GLP1R: variants seen among roughly 807,000 people sequenced by gnomAD.
GLP1R encodes the protein glucagon like peptide 1 receptor.
Under a neutral mutation model 68.4 loss-of-function variants are expected in GLP1R, and 32 were observed. The ratio of observed to expected loss-of-function variants is 0.47; its 90% CI spans 0.35 to 0.63. The LOEUF (loss-of-function observed/expected upper bound fraction) is 0.63. Ranked by LOEUF, GLP1R falls within the 20% of genes least tolerant of loss-of-function variation. GLP1R has a pLI of 0.00. For missense variants in GLP1R, 502 were observed against 594.9 expected (o/e 0.84, Z 1.62); for synonymous variants, 263 against 244.4 (o/e 1.08, Z -0.71).
At chr6:39,070,573 G>A (rs1172377904) in intron 5 of GLP1R, among the ~76,000 whole-genome samples, 1 of 152,188 alleles carries the variant, frequency 6.6e-6, no homozygotes, top group Admixed American at 6.5e-5. Flanking sequence ...CCTCTCATCA[G>A]TAATAAAAGA....
At chr6:39,074,078 G>A (rs1175244650) in intron 7 of GLP1R, among the ~76,000 whole-genome samples, 4 of 152,152 alleles carry the variant, frequency 2.6e-5, no homozygotes, top group Admixed American at 1.3e-4. Flanking sequence ...ACCACATGGG[G>A]ACATAAGTTC....
At chr6:39,062,540 C>T (rs1029118873) in intron 3 of GLP1R, among the ~76,000 whole-genome samples, 6 of 152,216 alleles carry the variant, frequency 3.9e-5, no homozygotes, top group African/African-American at 1.2e-4. Flanking sequence ...ACACCACCTC[C>T]CCACCCTCCC....
chr6:39,066,378 A>G (rs1435492766), intron 5 of GLP1R, 75 bp downstream of exon 5: 3 of 777,108 alleles, frequency 3.9e-6, no homozygotes, highest in South Asian at 1.5e-5. Flanking sequence ...GCAGCCCAAC[A>G]CCAAATCAAA....
chr6:39,055,727 T>TA (rs1554168682), intron 1 of GLP1R, among the ~76,000 whole-genome samples: 1 of 113,230 alleles, frequency 8.8e-6, no homozygotes, highest in African/African-American at 3.3e-5. Flanking sequence ...GGGGAGGGGG[T>TA]GGGGGGTGCT....
In GLP1R at chr6:39,088,516, G is replaced by T. The variant is rs1273036537; in HGVS notation, c.*2443G>T. On this transcript the variant is annotated 3_prime_UTR_variant, in exon 13 of 13. Transcript: ENST00000373256. ...GGGTACTATTGCTGACCAGCAGGGT[G>T]TAGGCGCTGCTTTTGTTTGAGCTTT... Among the ~76,000 whole-genome samples, 1 of 152,230 alleles carries T rather than the reference G, an allele frequency of 6.6e-6. No individual in the cohort carries two copies. Among genetic ancestry groups the T allele is most frequent in the African/African-American group, 2.4e-5 (1 of 41,450 alleles).
rs1252829911 is a variant in GLP1R, at chr6:39,089,813, C to T, written c.*3740C>T. ...GGCTCCCATTATTTGCTAATGCCTG[C>T]GACGTGCTCAGGGAAGGCAAAATCT... On this transcript the variant is annotated 3_prime_UTR_variant, in exon 13 of 13. Transcript: ENST00000373256. The surrounding 1 kb of genome is among the most constrained non-coding windows in gnomAD (Gnocchi z 4.1). 2.0e-5 allele frequency among the ~76,000 whole-genome samples: 3 copies of T among 152,144 alleles called. No homozygotes were observed. The highest frequency in any genetic ancestry group is 2.9e-5 in the Non-Finnish European group (2 of 68,030).
chr6:39,074,803 G>C (rs923809835), intron 7 of GLP1R, among the ~76,000 whole-genome samples: 1 of 152,184 alleles, frequency 6.6e-6, no homozygotes, highest in African/African-American at 2.4e-5. Context: ...CAGGGTGTCC[G>C]CTGCCTCTTC....
chr6:39,054,522 A>G (rs1296553369), intron 1 of GLP1R, among the ~76,000 whole-genome samples: 1 of 149,522 alleles, frequency 6.7e-6, no homozygotes, highest in African/African-American at 2.6e-5. Context: ...CCCAGTCTGA[A>G]TATAGTTTTA....
intron 5 of GLP1R, among the ~76,000 whole-genome samples, chr6:39,071,367 A>T (rs1354837886): frequency 7.2e-6 from 1 of 138,716 alleles, no homozygotes; most frequent in Non-Finnish European, 1.6e-5. Context: ...AAAAAAAAAA[A>T]GAAAGAAAGA....
At chr6:39,085,585 T>C (rs1470684017) in intron 12 of GLP1R, among the ~76,000 whole-genome samples, 5 of 152,176 alleles carry the variant, frequency 3.3e-5, no homozygotes, top group Non-Finnish European at 7.3e-5. Context: ...TCTCCCTGTG[T>C]TTCACCCTCC....
At chr6:39,048,945 C>A (rs201005322) in intron 1 of GLP1R, 27 bp downstream of exon 1, 57 of 974,284 alleles carry the variant, frequency 5.9e-5, no homozygotes, top group Admixed American at 1.1e-4. Flanking sequence ...CCGACGACAC[C>A]GGGGGAGGCG....
At chr6:39,072,660 G>C (rs566598853) in intron 5 of GLP1R, among the ~76,000 whole-genome samples, 186 of 152,334 alleles carry the variant, frequency 1.2e-3, no homozygotes, top group African/African-American at 4.3e-3. Context: ...CTACATAGCG[G>C]AAGCCTTCAT....
chr6:39,076,092 C>T (rs900010698), intron 7 of GLP1R, among the ~76,000 whole-genome samples: 1 of 152,178 alleles, frequency 6.6e-6, no homozygotes, highest in African/African-American at 2.4e-5. Context: ...TGAAACTTGC[C>T]AGGTCTGGCT....
chr6:39,084,499 C>T (rs892493842), intron 12 of GLP1R, among the ~76,000 whole-genome samples: 2 of 152,140 alleles, frequency 1.3e-5, no homozygotes, highest in Admixed American at 6.5e-5. Flanking sequence ...CCCTCTCCAG[C>T]GGAAGGGCTA....
In GLP1R at chr6:39,049,861, G is replaced by T. The variant is rs1323290713; in HGVS notation, c.78+943G>T. ...TGCTGGGACTTGCTTGAGCAGAGAG[G>T]AGACATAGACTTGGGTGGCCTGTCC... On this transcript the variant is annotated intron_variant, in intron 1 of 12. Coordinates refer to ENST00000373256, the MANE Select transcript of GLP1R (RefSeq NM_002062.5). This position sits in a 1 kb window ranked among gnomAD's most constrained non-coding sequence, Gnocchi z 4.5. Among the ~76,000 whole-genome samples the T allele has an allele frequency of 6.6e-6, 1 of 152,164 alleles. No individual in the cohort carries two copies. Among genetic ancestry groups the T allele is most frequent in the Middle Eastern group, 3.2e-3 (1 of 316 alleles).
rs1768925600 is a variant in GLP1R at position 39,079,298 on chromosome 6, G to T, written c.1043+98G>T. 1.0e-6 allele frequency: 1 copy of T among 966,270 alleles called. No homozygotes were observed. The allele number at this position is 966,270 out of a possible 1,614,324, so 59.9% of individuals were successfully genotyped here. On this transcript the variant is annotated intron_variant, in intron 10 of 12. Coordinates refer to ENST00000373256, the MANE Select transcript of GLP1R (RefSeq NM_002062.5). The surrounding 1 kb of genome is among the most constrained non-coding windows in gnomAD (Gnocchi z 4.5). ...GAGATCCTGGGATGCTTAGCTTAGA[G>T]CCCTACACTACCCTCTCCTTCCACC...
At chr6:39,055,403 A>G (rs191594034) in intron 1 of GLP1R, among the ~76,000 whole-genome samples, 10 of 152,354 alleles carry the variant, frequency 6.6e-5, no homozygotes, top group Admixed American at 6.5e-4. Flanking sequence ...CTGTTCAGGA[A>G]AAAACTAAAA....
In GLP1R at chr6:39,090,637, T is replaced by C. The variant is rs73734039; in HGVS notation, c.*4564T>C. Among the ~76,000 whole-genome samples, 3,945 of 152,296 alleles carry C rather than the reference T, an allele frequency of 0.026. 186 individuals carry two copies. The highest frequency in any genetic ancestry group is 0.087 in the African/African-American group (3,619 of 41,558). Reference sequence around the variant, plus strand: ...GCAGGGCAGCCACCAGCTTGGATCCTAACTTACATTGGGTGGTGCAACCTT... The same window carrying C: ...GCAGGGCAGCCACCAGCTTGGATCCCAACTTACATTGGGTGGTGCAACCTT... On this transcript the variant is annotated 3_prime_UTR_variant, in exon 13 of 13. Coordinates refer to ENST00000373256, the MANE Select transcript of GLP1R (RefSeq NM_002062.5).
chr6:39,062,662 G>A (rs916361332), intron 3 of GLP1R, among the ~76,000 whole-genome samples: 1 of 152,220 alleles, frequency 6.6e-6, no homozygotes, highest in African/African-American at 2.4e-5. Flanking sequence ...CCAGAGGAAG[G>A]GCAGAGGAGA....
Sources: gnomAD v4.1 joint callset for allele counts (sites outside exome capture counted in the v4.1 genomes callset) on GRCh38, gnomAD v4.1.1 for gene constraint, Gnocchi (gnomAD v3.1) non-coding constraint, MANE v1.5 for transcripts, NCBI Gene and HGNC (gene_info 2026-07-23, HGNC 2026-07-21) for gene names.